The following GLRA3 variants were observed in gnomAD, a reference collection of about 807,000 sequenced individuals.
The protein encoded by GLRA3 is glycine receptor subunit alpha-3.
A neutral mutation model predicts 60.4 loss-of-function variants in GLRA3; 44 were observed. That is an observed-to-expected ratio of 0.73 (90% CI 0.57 to 0.94). The LOEUF is 0.94. Among genes scored for constraint, GLRA3 ranks in the 40% least tolerant of loss-of-function variants. The probability of loss-of-function intolerance (pLI) is 0.00; values close to 1 mark genes in which losing one functional copy is unlikely to be tolerated. For synonymous variants in GLRA3, 223 were observed against 192.9 expected (o/e 1.16, Z -1.29); for missense variants, 508 against 564.6 (o/e 0.90, Z 1.02).
At chr4:174,782,856 G>T (rs1477705058) in intron 2 of GLRA3, among the ~76,000 whole-genome samples, 1 of 151,936 alleles carries the variant, frequency 6.6e-6, no homozygotes. Flanking sequence ...ATGCTCATGG[G>T]TAGGAAGAAT....
intron 5 of GLRA3, among the ~76,000 whole-genome samples, chr4:174,707,930 T>G (rs2111071500): frequency 6.6e-6 from 1 of 152,290 alleles, no homozygotes. Context: ...GTGGACAGAC[T>G]AGAAGAGAAT....
At chr4:174,686,089 T>C (rs1285843927) in intron 5 of GLRA3, among the ~76,000 whole-genome samples, 2 of 152,216 alleles carry the variant, frequency 1.3e-5, no homozygotes, top group East Asian at 3.9e-4. Flanking sequence ...ATAGTCATAC[T>C]ATTCTACTTC....
At chr4:174,714,832 C>T (rs1418084202) in intron 5 of GLRA3, among the ~76,000 whole-genome samples, 1 of 152,126 alleles carries the variant, frequency 6.6e-6, no homozygotes, top group Non-Finnish European at 1.5e-5. Context: ...AAATGTTCAT[C>T]TGTGTTAACG....
chr4:174,655,723 T>C (rs867238737), intron 9 of GLRA3, among the ~76,000 whole-genome samples: 1 of 152,068 alleles, frequency 6.6e-6, no homozygotes, highest in Non-Finnish European at 1.5e-5. Context: ...AAGTGGATCA[T>C]GTGAAATTAT....
chr4:174,767,920 AT>A, intron 2 of GLRA3, among the ~76,000 whole-genome samples: 1 of 148,900 alleles, frequency 6.7e-6, no homozygotes, highest in Non-Finnish European at 1.5e-5. Context: ...GTCCTTTATA[AT>A]TTTTGTTCAG....
chr4:174,696,828 G>C (rs1735074609), intron 5 of GLRA3, among the ~76,000 whole-genome samples: 1 of 152,092 alleles, frequency 6.6e-6, no homozygotes, highest in African/African-American at 2.4e-5. Flanking sequence ...ATGACAGAGA[G>C]AGAGAGGGAG....
intron 3 of GLRA3, among the ~76,000 whole-genome samples, chr4:174,761,116 T>C (rs2111222575): frequency 6.6e-6 from 1 of 152,260 alleles, no homozygotes; most frequent in African/African-American, 2.4e-5. Flanking sequence ...AAGATGGTGA[T>C]AGTTTTTTTT....
At chr4:174,666,762 TATATA>T (rs1733690486) in intron 7 of GLRA3, among the ~76,000 whole-genome samples, 1 of 32,490 alleles carries the variant, frequency 3.1e-5, no homozygotes, top group Non-Finnish European at 5.5e-5. Flanking sequence ...ATATATATTA[TATATA>T]TATATATATA....
At chr4:174,748,823 C>T (rs375073690) in intron 3 of GLRA3, among the ~76,000 whole-genome samples, 1 of 151,972 alleles carries the variant, frequency 6.6e-6, no homozygotes, top group Non-Finnish European at 1.5e-5. Context: ...CTCCATTTGA[C>T]CTGTCTTGTA....
chr4:174,726,996 T>G (rs552070282), intron 4 of GLRA3, among the ~76,000 whole-genome samples: 4 of 152,306 alleles, frequency 2.6e-5, no homozygotes, highest in African/African-American at 4.8e-5. Context: ...TTGTGCCATA[T>G]GTAGCAGTTA....
Position 174,638,266 on chromosome 4 carries a change from C to T in GLRA3, c.*5520G>A, listed in dbSNP as rs1468751936. 6.6e-6 allele frequency: 1 copy of T among 152,048 alleles called. No individual in the cohort carries two copies. The highest frequency in any genetic ancestry group is 2.4e-5 in the African/African-American group (1 of 41,410). 9.4% of individuals were successfully genotyped at this position (152,048 alleles called of 1,614,324 possible). On this transcript the variant is annotated 3_prime_UTR_variant, in exon 10 of 10. Coordinates refer to ENST00000274093, the MANE Select transcript of GLRA3 (RefSeq NM_006529.4). ...GGAGGAAAGCTGAATTGAAACGCATCAAAGATTTATTTTAAATTCTTTTTT... is the reference window on the plus strand; with the variant it reads ...GGAGGAAAGCTGAATTGAAACGCATTAAAGATTTATTTTAAATTCTTTTTT...
chr4:174,777,060 T>G (rs1231241196), intron 2 of GLRA3, among the ~76,000 whole-genome samples: 9 of 152,098 alleles, frequency 5.9e-5, no homozygotes. Context: ...CTGGGGAAGA[T>G]AGCAGATTTT....
intron 7 of GLRA3, among the ~76,000 whole-genome samples, chr4:174,660,591 A>G (rs991658857): frequency 4.6e-5 from 7 of 152,180 alleles, no homozygotes; most frequent in African/African-American, 1.7e-4. Context: ...TGCATGGAAT[A>G]TTTTGAAGCT....
Position 174,752,538 on chromosome 4 carries a change from G to T in GLRA3, c.267+14425C>A, listed in dbSNP as rs192863808. ...AGAGAGAGAATGAGAGAAAGGGGTG[G>T]GTATGAGTCCTTATAGGAAAAGGTA... is the stretch of plus-strand genomic sequence containing the variant. On this transcript the variant is annotated intron_variant, in intron 3 of 9. Transcript: ENST00000274093. Among the ~76,000 whole-genome samples the T allele has an allele frequency of 1.0e-3, 159 of 152,092 alleles. 1 individual carries two copies. In the South Asian group the frequency reaches 0.016, roughly 16 times the overall value.
chr4:174,744,487 C>T (rs1385780946), intron 3 of GLRA3, among the ~76,000 whole-genome samples: 3 of 152,222 alleles, frequency 2.0e-5, no homozygotes, highest in Non-Finnish European at 4.4e-5. Context: ...CAAAATTTAA[C>T]CATACCCTCC....
intron 5 of GLRA3, among the ~76,000 whole-genome samples, chr4:174,685,435 T>C (rs1443053808): frequency 2.0e-5 from 3 of 152,194 alleles, no homozygotes; most frequent in African/African-American, 7.2e-5. Flanking sequence ...AGCAGAAGTA[T>C]CATCAGTGTG....
chr4:174,780,421 C>A (rs1471919840), intron 2 of GLRA3, among the ~76,000 whole-genome samples: 1 of 150,966 alleles, frequency 6.6e-6, no homozygotes, highest in African/African-American at 2.4e-5. Context: ...AGCAAAAGAA[C>A]CAGCTAACAT....
intron 4 of GLRA3, among the ~76,000 whole-genome samples, chr4:174,720,668 G>A (rs1310118570): frequency 2.6e-5 from 4 of 152,118 alleles, no homozygotes; most frequent in African/African-American, 7.2e-5. Flanking sequence ...TGTTTATGCA[G>A]CTGATAATTT....
At chr4:174,693,314 C>T (rs1734931164) in intron 5 of GLRA3, among the ~76,000 whole-genome samples, 1 of 152,014 alleles carries the variant, frequency 6.6e-6, no homozygotes, top group Admixed American at 6.5e-5. Context: ...ATATTTAATC[C>T]ATCTTGAGTT....
Sources: allele counts gnomAD v4.1 joint callset (sites outside exome capture counted in the v4.1 genomes callset), GRCh38; gene constraint gnomAD v4.1.1; transcripts MANE v1.5; gene names NCBI Gene and HGNC (gene_info 2026-07-23, HGNC 2026-07-21).